Variants in GPC5 observed in about 807,000 individuals in gnomAD.
GPC5 encodes glypican-5.
Under a neutral mutation model 53.9 loss-of-function variants are expected in GPC5, and 47 were observed. The observed-to-expected ratio is 0.87, with a 90% CI of 0.69 to 1.11. GPC5 has a LOEUF of 1.11. Ranked by LOEUF, GPC5 falls within the 50% of genes most tolerant of loss-of-function variation. The pLI is 0.00. For missense variants in GPC5, 748 were observed against 713.1 expected (o/e 1.05, Z -0.56); for synonymous variants, 286 against 263.3 (o/e 1.09, Z -0.84).
intron 2 of GPC5, among the ~76,000 whole-genome samples, chr13:91,672,404 C>G (rs915818079): frequency 6.6e-6 from 1 of 151,980 alleles, no homozygotes; most frequent in African/African-American, 2.4e-5. Flanking sequence ...AGAAAGCAAC[C>G]CCATCAAAAA....
At chr13:92,081,361 C>T (rs2041294048) in intron 6 of GPC5, among the ~76,000 whole-genome samples, 1 of 152,174 alleles carries the variant, frequency 6.6e-6, no homozygotes, top group African/African-American at 2.4e-5. Flanking sequence ...CTTGGACTCC[C>T]AAAGTGCTGG....
intron 2 of GPC5, among the ~76,000 whole-genome samples, chr13:91,585,832 C>G (rs1176311919): frequency 1.3e-5 from 2 of 152,006 alleles, no homozygotes; most frequent in Non-Finnish European, 2.9e-5. Flanking sequence ...TTTCATTTTA[C>G]TGTTTAAGTC....
intron 6 of GPC5, among the ~76,000 whole-genome samples, chr13:92,142,611 A>G (rs1276935325): frequency 6.6e-6 from 1 of 152,224 alleles, no homozygotes; most frequent in African/African-American, 2.4e-5. Flanking sequence ...ACTTTCAACC[A>G]AAATCAATTT....
rs564444466 is a variant in GPC5, at chr13:92,276,986, GTCTC to G, written c.1561+132005_1561+132008del. ...ATATGAAAAGTAAACATTACTTTTA[GTCTC>G]TCTCTCTTTTTTTTTCTTTACTTTA... On this transcript the variant is annotated intron_variant, in intron 7 of 7. Coordinates refer to ENST00000377067, the MANE Select transcript of GPC5 (RefSeq NM_004466.6). 5.6e-4 allele frequency among the ~76,000 whole-genome samples: 85 copies of G among 151,206 alleles called. No individual in the cohort carries two copies. In the South Asian group the frequency reaches 0.012, roughly 21 times the overall value.
At chr13:92,609,300 AG>A (rs1451185448) in intron 7 of GPC5, among the ~76,000 whole-genome samples, 3 of 152,050 alleles carry the variant, frequency 2.0e-5, no homozygotes, top group Non-Finnish European at 4.4e-5. Flanking sequence ...GGTGAATGAG[AG>A]GGGGTTGGTT....
chr13:91,765,470 G>C (rs564568500), intron 5 of GPC5, among the ~76,000 whole-genome samples: 1 of 152,348 alleles, frequency 6.6e-6, no homozygotes, highest in Admixed American at 6.5e-5. Context: ...GAAACAGAAA[G>C]AGTACTATTT....
intron 7 of GPC5, among the ~76,000 whole-genome samples, chr13:92,150,659 G>C (rs1039378827): frequency 2.0e-5 from 3 of 151,986 alleles, no homozygotes; most frequent in African/African-American, 7.2e-5. Context: ...GAATGCCTAA[G>C]TGATTATTTT....
At chr13:92,213,216 C>T (rs1191884092) in intron 7 of GPC5, among the ~76,000 whole-genome samples, 3 of 152,134 alleles carry the variant, frequency 2.0e-5, no homozygotes, top group Non-Finnish European at 4.4e-5. Flanking sequence ...CTACTGTTGC[C>T]TAATGTAAAT....
intron 6 of GPC5, among the ~76,000 whole-genome samples, chr13:91,925,872 G>T (rs2039762538): frequency 6.6e-6 from 1 of 152,162 alleles, no homozygotes; most frequent in East Asian, 1.9e-4. Flanking sequence ...ATTTGAGATG[G>T]AATGGAGAAT....
chr13:91,751,142 AAT>A (rs1239456234), intron 4 of GPC5, among the ~76,000 whole-genome samples: 2 of 152,150 alleles, frequency 1.3e-5, no homozygotes, highest in Non-Finnish European at 2.9e-5. Context: ...CCAAACACAG[AAT>A]ATAGTGTTCC....
intron 6 of GPC5, among the ~76,000 whole-genome samples, chr13:92,113,711 T>G (rs895163662): frequency 6.6e-6 from 1 of 151,906 alleles, no homozygotes; most frequent in Non-Finnish European, 1.5e-5. Context: ...AACTCTAAAA[T>G]ATAACTCCTG....
At chr13:92,256,965 C>G (rs2042730443) in intron 7 of GPC5, among the ~76,000 whole-genome samples, 1 of 152,028 alleles carries the variant, frequency 6.6e-6, no homozygotes, top group Non-Finnish European at 1.5e-5. Context: ...CCCGATTTCT[C>G]TCTCTTCCCA....
At chr13:91,846,933 G>A (rs2038855736) in intron 5 of GPC5, among the ~76,000 whole-genome samples, 1 of 152,004 alleles carries the variant, frequency 6.6e-6, no homozygotes, top group South Asian at 2.1e-4. Flanking sequence ...ACTGAAATGG[G>A]TGCGGGCTGG....
intron 7 of GPC5, among the ~76,000 whole-genome samples, chr13:92,547,889 G>A (rs1882178248): frequency 7.1e-6 from 1 of 139,994 alleles, no homozygotes; most frequent in Non-Finnish European, 1.5e-5. Context: ...GAGTGCAGTG[G>A]CGCGATCTCG....
chr13:91,565,926 T>C (rs1026497290), intron 2 of GPC5, among the ~76,000 whole-genome samples: 5 of 152,156 alleles, frequency 3.3e-5, no homozygotes, highest in Admixed American at 2.6e-4. Flanking sequence ...TTTTTGGTGT[T>C]CCTTATCTTG....
chr13:91,548,168 C>T (rs1226582916), intron 2 of GPC5, among the ~76,000 whole-genome samples: 1 of 152,066 alleles, frequency 6.6e-6, no homozygotes. Context: ...GGAAGAAATA[C>T]CACTGTTTTT....
At chr13:92,457,403 T>A (rs1878310033) in intron 7 of GPC5, among the ~76,000 whole-genome samples, 1 of 152,044 alleles carries the variant, frequency 6.6e-6, no homozygotes, top group Non-Finnish European at 1.5e-5. Flanking sequence ...CTTACTAGAT[T>A]ACCAGCACCC....
chr13:92,292,443 T>G (rs2139185611), intron 7 of GPC5, among the ~76,000 whole-genome samples: 1 of 152,244 alleles, frequency 6.6e-6, no homozygotes, highest in Non-Finnish European at 1.5e-5. Context: ...TGTTGCGCAT[T>G]TTTTCTTACA....
intron 7 of GPC5, among the ~76,000 whole-genome samples, chr13:92,303,209 T>C (rs1454572957): frequency 6.6e-6 from 1 of 152,008 alleles, no homozygotes; most frequent in Non-Finnish European, 1.5e-5. Flanking sequence ...GCAACAGTGG[T>C]TGGGCTCAGG....
Sources: allele counts gnomAD v4.1 joint callset (sites outside exome capture counted in the v4.1 genomes callset), GRCh38; gene constraint gnomAD v4.1.1; transcripts MANE v1.5; gene names NCBI Gene and HGNC (gene_info 2026-07-23, HGNC 2026-07-21).